The following GRAMD2B variants were observed in gnomAD, a reference collection of about 807,000 sequenced individuals.
The protein encoded by GRAMD2B is GRAM domain containing 2B, also known as GRAM domain-containing protein 2B.
In GRAMD2B, 41 loss-of-function variants were observed where a neutral mutation model predicts 59.2. That is an observed-to-expected ratio of 0.69 (90% CI 0.54 to 0.90). The LOEUF (loss-of-function observed/expected upper bound fraction) is 0.90. Ranked by LOEUF, GRAMD2B falls within the 40% of genes least tolerant of loss-of-function variation. The pLI, the probability that GRAMD2B is intolerant of heterozygous loss-of-function variation, is 0.00. For missense variants in GRAMD2B, 424 were observed against 500.5 expected (o/e 0.85, Z 1.46); for synonymous variants, 161 against 182.7 (o/e 0.88, Z 0.96).
chr5:126,478,419 C>G (rs369083649), intron 6 of GRAMD2B, among the ~76,000 whole-genome samples: 1 of 152,070 alleles, frequency 6.6e-6, no homozygotes, highest in East Asian at 1.9e-4. Context: ...GCCTGGGCAA[C>G]AGAGAAAGAC....
At position 126,436,549 on chromosome 5, in the gene GRAMD2B, G is replaced by A. The variant is rs1016439790; in HGVS notation, c.83+12860G>A. On this transcript the variant is annotated intron_variant, in intron 1 of 13. Transcript: ENST00000285689. ...AGCCTATAGTTCCAGCTACTTGGAA[G>A]GCTGAGGTGGGAGGATCGCTTGAGC... is the stretch of plus-strand genomic sequence containing the variant. 1.4e-4 allele frequency among the ~76,000 whole-genome samples: 22 copies of A among 152,172 alleles called. 1 individual carries two copies. The highest frequency in any genetic ancestry group is 1.2e-3 in the Admixed American group (18 of 15,274).
At chr5:126,418,643 A>G (rs1294579080), upstream of GRAMD2B, among the ~76,000 whole-genome samples, 1 of 152,216 alleles carries the variant, frequency 6.6e-6, no homozygotes, top group African/African-American at 2.4e-5. Flanking sequence ...AGATTCCATA[A>G]TCTACTACAG....
chr5:126,365,748 T>A (rs748580259), intron 1 of GRAMD2B, among the ~76,000 whole-genome samples: 9 of 152,094 alleles, frequency 5.9e-5, no homozygotes, highest in Non-Finnish European at 1.2e-4. Context: ...AATGCATCAC[T>A]GTTTAAATAA....
At chr5:126,383,343 G>A (rs540633553) in intron 1 of GRAMD2B, among the ~76,000 whole-genome samples, 1 of 152,284 alleles carries the variant, frequency 6.6e-6, no homozygotes, top group East Asian at 1.9e-4. Context: ...AAGGTTCTAG[G>A]AGTTGCCTCC....
intron 1 of GRAMD2B, among the ~76,000 whole-genome samples, chr5:126,431,195 C>CT (rs1761519979): frequency 6.6e-6 from 1 of 151,802 alleles, no homozygotes; most frequent in Admixed American, 6.6e-5. Context: ...TTTTTTTAGA[C>CT]TATCCAACTT....
upstream of GRAMD2B, among the ~76,000 whole-genome samples, chr5:126,369,303 TGAA>T: frequency 6.6e-6 from 1 of 152,014 alleles, no homozygotes; most frequent in South Asian, 2.1e-4. Context: ...AATGAATGAA[TGAA>T]TTCCAGCATG....
At chr5:126,417,741 A>T (rs985830899) in intron 1 of GRAMD2B, among the ~76,000 whole-genome samples, 1 of 152,250 alleles carries the variant, frequency 6.6e-6, no homozygotes, top group Non-Finnish European at 1.5e-5. Context: ...CAAACATTGT[A>T]TTCACACCTG....
chr5:126,412,946 T>C (rs1011729139), intron 1 of GRAMD2B, among the ~76,000 whole-genome samples: 17 of 152,074 alleles, frequency 1.1e-4, no homozygotes, highest in Non-Finnish European at 2.2e-4. Context: ...GTGGGATAGA[T>C]TGTAATGTCA....
At chr5:126,369,945 C>A (rs1452569215), upstream of GRAMD2B, among the ~76,000 whole-genome samples, 3 of 152,172 alleles carry the variant, frequency 2.0e-5, no homozygotes, top group African/African-American at 7.2e-5. Context: ...TTTAATATAA[C>A]AGCTTATTTA....
At chr5:126,363,739 C>T (rs879755541) in intron 1 of GRAMD2B, among the ~76,000 whole-genome samples, 3 of 152,114 alleles carry the variant, frequency 2.0e-5, no homozygotes, top group Non-Finnish European at 2.9e-5. Context: ...TCTATATATA[C>T]AGATGAGATA....
chr5:126,455,057 G>C (rs1766035193), intron 1 of GRAMD2B, among the ~76,000 whole-genome samples: 1 of 152,126 alleles, frequency 6.6e-6, no homozygotes, highest in Admixed American at 6.5e-5. Flanking sequence ...TGGTGTTCTT[G>C]GATGTTCCTC....
chr5:126,404,773 G>C (rs1040889569), intron 1 of GRAMD2B, among the ~76,000 whole-genome samples: 1 of 151,778 alleles, frequency 6.6e-6, no homozygotes, highest in East Asian at 1.9e-4. Flanking sequence ...CATTACAAAG[G>C]TGTATAAGAC....
intron 1 of GRAMD2B, among the ~76,000 whole-genome samples, chr5:126,429,309 C>T (rs773188262): frequency 6.6e-6 from 1 of 152,180 alleles, no homozygotes; most frequent in Non-Finnish European, 1.5e-5. Flanking sequence ...CACATGTTCT[C>T]ACTTATAAGT....
intron 1 of GRAMD2B, chr5:126,445,442 A>G (rs1343828651): frequency 1.1e-4 from 16 of 152,094 alleles, no homozygotes; most frequent in Admixed American, 1.0e-3. Flanking sequence ...TTCTCTAATG[A>G]TCAGTGATGT....
intron 13 of GRAMD2B, among the ~76,000 whole-genome samples, chr5:126,492,341 C>T (rs1440732661): frequency 6.6e-6 from 1 of 151,820 alleles, no homozygotes; most frequent in Non-Finnish European, 1.5e-5. Flanking sequence ...TTTCTTCCAT[C>T]TCATTTATCT....
At chr5:126,399,301 A>G (rs1036124402) in intron 1 of GRAMD2B, among the ~76,000 whole-genome samples, 15 of 152,118 alleles carry the variant, frequency 9.9e-5, no homozygotes, top group Non-Finnish European at 2.1e-4. Flanking sequence ...TATATATGAT[A>G]TGGTTTAGCT....
chr5:126,480,844 A>G (rs113972418), intron 8 of GRAMD2B, 137 bp downstream of exon 8: 3 of 690,524 alleles, frequency 4.3e-6, no homozygotes, highest in Non-Finnish European at 7.5e-6. Flanking sequence ...GAAACAGGGC[A>G]TATCTTCCTT....
intron 1 of GRAMD2B, among the ~76,000 whole-genome samples, chr5:126,424,832 T>G (rs538629740): frequency 6.6e-6 from 1 of 152,336 alleles, no homozygotes; most frequent in South Asian, 2.1e-4. Context: ...ATTATTTCCA[T>G]GTTGCAGATA....
intron 1 of GRAMD2B, among the ~76,000 whole-genome samples, chr5:126,362,756 AC>A (rs1754275064): frequency 6.6e-6 from 1 of 152,236 alleles, no homozygotes; most frequent in South Asian, 2.1e-4. Flanking sequence ...AGCCTTTTCA[AC>A]AATAGTGCCA....
Sources: gnomAD v4.1 joint callset for allele counts (sites outside exome capture counted in the v4.1 genomes callset) on GRCh38, gnomAD v4.1.1 for gene constraint, MANE v1.5 for transcripts, NCBI Gene and HGNC (gene_info 2026-07-23, HGNC 2026-07-21) for gene names.